MAML2: variants seen among roughly 807,000 people sequenced by gnomAD.
MAML2 encodes the protein mastermind like transcriptional coactivator 2.
MAML2 carries 22 observed loss-of-function variants against 96.1 expected under a neutral mutation model. The observed-to-expected ratio is 0.23, with a 90% CI of 0.16 to 0.33. MAML2 has a LOEUF of 0.33. Ranked by LOEUF, MAML2 falls within the 10% of genes least tolerant of loss-of-function variation. The pLI, the probability that MAML2 is intolerant of heterozygous loss-of-function variation, is 1.00. For synonymous variants in MAML2, 561 were observed against 521.3 expected, an observed-to-expected ratio of 1.08 and a Z score of -1.04; for missense variants, 1,367 against 1,392.4, an observed-to-expected ratio of 0.98 and a Z score of 0.29.
Position 96,122,053 on chromosome 11 carries a change from G to T in MAML2, c.514-28536C>A, listed in dbSNP as rs370388742. On this transcript the variant is annotated intron_variant, in intron 1 of 4. Transcript: ENST00000524717. Reference sequence around the variant, plus strand: ...TCTCGATCTCTTGACCTCGTGATCCGCCTGCCTCGGCCTCCCAAAGTGCTC... The same window carrying T: ...TCTCGATCTCTTGACCTCGTGATCCTCCTGCCTCGGCCTCCCAAAGTGCTC... Among the ~76,000 whole-genome samples the T allele has an allele frequency of 3.4e-4, 47 of 137,580 alleles. 2 individuals are homozygous for T. The highest frequency in any genetic ancestry group is 2.3e-3 in the Admixed American group (29 of 12,612). The allele number at this position is 137,580 out of a possible 152,430, so 90.3% of individuals were successfully genotyped here. A position where few individuals can be genotyped will look rare whatever the true frequency, so the allele number is the denominator to read the frequency against.
intron 1 of MAML2, among the ~76,000 whole-genome samples, chr11:96,208,648 C>T (rs1861926499): frequency 6.6e-6 from 1 of 152,026 alleles, no homozygotes; most frequent in South Asian, 2.1e-4. Flanking sequence ...GGTAATATGA[C>T]AAAATAAAGT....
At chr11:96,069,389 A>G (rs1242801727) in intron 2 of MAML2, among the ~76,000 whole-genome samples, 5 of 152,298 alleles carry the variant, frequency 3.3e-5, no homozygotes, top group Admixed American at 2.6e-4. Context: ...GATAAACAAA[A>G]TTGGCTGGGC....
intron 1 of MAML2, among the ~76,000 whole-genome samples, chr11:96,159,274 T>A (rs559115070): frequency 6.6e-6 from 1 of 152,124 alleles, no homozygotes; most frequent in Admixed American, 6.5e-5. Flanking sequence ...GGATGAAGTC[T>A]CCACAGCAGT....
intron 1 of MAML2, among the ~76,000 whole-genome samples, chr11:96,180,285 T>C (rs895929174): frequency 6.6e-6 from 1 of 152,204 alleles, no homozygotes; most frequent in East Asian, 1.9e-4. Flanking sequence ...GAGGTGGGTC[T>C]ACGTTCCCTC....
chr11:96,021,383 G>C (rs368717282), intron 2 of MAML2, among the ~76,000 whole-genome samples: 2 of 152,194 alleles, frequency 1.3e-5, no homozygotes, highest in Admixed American at 6.5e-5. Flanking sequence ...CCCAACTAGA[G>C]GGGGAGGATA....
intron 2 of MAML2, among the ~76,000 whole-genome samples, chr11:96,033,726 C>T (rs1365650228): frequency 6.6e-6 from 1 of 152,150 alleles, no homozygotes; most frequent in Non-Finnish European, 1.5e-5. Context: ...TCTGGGAAAA[C>T]CTAGTGACAG....
chr11:96,261,879 ATTTCT>A (rs1289295350), intron 1 of MAML2, among the ~76,000 whole-genome samples: 1 of 152,238 alleles, frequency 6.6e-6, no homozygotes, highest in African/African-American at 2.4e-5. Flanking sequence ...GTTATGTTAG[ATTTCT>A]AATATATCAC....
chr11:96,248,560 C>T (rs1318798456), intron 1 of MAML2, among the ~76,000 whole-genome samples: 1 of 152,116 alleles, frequency 6.6e-6, no homozygotes, highest in Non-Finnish European at 1.5e-5. Context: ...TTAGAACCCC[C>T]TCCTCTTTCC....
intron 1 of MAML2, among the ~76,000 whole-genome samples, chr11:96,263,315 C>T (rs1056650770): frequency 6.6e-6 from 1 of 152,130 alleles, no homozygotes; most frequent in Non-Finnish European, 1.5e-5. Flanking sequence ...CATTGTTTGC[C>T]AATGTTTCAA....
intron 1 of MAML2, among the ~76,000 whole-genome samples, chr11:96,108,195 C>T (rs1029470878): frequency 1.3e-5 from 2 of 152,266 alleles, no homozygotes; most frequent in East Asian, 1.9e-4. Flanking sequence ...TTATGAAACA[C>T]CCAGTTCGTG....
intron 1 of MAML2, among the ~76,000 whole-genome samples, chr11:96,111,722 G>C (rs1027924354): frequency 1.2e-4 from 19 of 152,080 alleles, no homozygotes; most frequent in African/African-American, 4.3e-4. Context: ...TTAAAGAAAA[G>C]CTTTGAAAAA....
intron 1 of MAML2, among the ~76,000 whole-genome samples, chr11:96,301,589 T>G (rs1021650292): frequency 1.3e-5 from 2 of 152,240 alleles, no homozygotes; most frequent in Admixed American, 1.3e-4. Context: ...CTAATTGATA[T>G]GCACAAATAT....
At chr11:96,000,935 G>A (rs977527225) in intron 2 of MAML2, among the ~76,000 whole-genome samples, 1 of 152,150 alleles carries the variant, frequency 6.6e-6, no homozygotes, top group South Asian at 2.1e-4. Context: ...TGAAGGTCAA[G>A]CTTGAAAAAA....
intron 1 of MAML2, among the ~76,000 whole-genome samples, chr11:96,158,933 T>TAAAA (rs1292796337): frequency 4.6e-5 from 7 of 152,140 alleles, no homozygotes; most frequent in South Asian, 2.1e-4. Context: ...AGGTGTGCCT[T>TAAAA]TGGGCCCCTC....
chr11:96,137,713 A>G (rs1311671361), intron 1 of MAML2, among the ~76,000 whole-genome samples: 1 of 152,240 alleles, frequency 6.6e-6, no homozygotes, highest in African/African-American at 2.4e-5. Context: ...GAGACAGAAG[A>G]AACTGTGGGT....
chr11:96,245,215 CTTT>C (rs10584752), intron 1 of MAML2, among the ~76,000 whole-genome samples: 13 of 131,618 alleles, frequency 9.9e-5, no homozygotes, highest in African/African-American at 1.7e-4. Context: ...AGTCATCCTT[CTTT>C]TTTTTTTTTT....
At chr11:96,103,914 C>T (rs765240820) in intron 1 of MAML2, among the ~76,000 whole-genome samples, 2 of 152,184 alleles carry the variant, frequency 1.3e-5, no homozygotes, top group African/African-American at 4.8e-5. Context: ...AGATCATTTC[C>T]GTTTCAGATG....
chr11:96,194,067 A>C (rs1293159393), intron 1 of MAML2, among the ~76,000 whole-genome samples: 2 of 152,246 alleles, frequency 1.3e-5, no homozygotes, highest in East Asian at 3.8e-4. Context: ...CCTATCCGTC[A>C]AATGGTAAAC....
Position 96,183,401 on chromosome 11 carries a change from C to T in MAML2, c.514-89884G>A, listed in dbSNP as rs948606016. Reference sequence around the variant, plus strand: ...TTCCCTTCCTCCGTTCCTCCCCCCCCCCCCTTTCTTTTGAGACAAGGGTTC... The same window carrying T: ...TTCCCTTCCTCCGTTCCTCCCCCCCTCCCCTTTCTTTTGAGACAAGGGTTC... On this transcript the variant is annotated intron_variant, in intron 1 of 4. Coordinates refer to ENST00000524717, the MANE Select transcript of MAML2 (RefSeq NM_032427.4). Among the ~76,000 whole-genome samples, 24 of 58,416 alleles carry T rather than the reference C, an allele frequency of 4.1e-4. No homozygotes were observed. In the Admixed American group the frequency reaches 4.7e-3, roughly 11 times the overall value. The allele number at this position is 58,416 out of a possible 152,430, so 38.3% of individuals were successfully genotyped here.
Sources: allele counts gnomAD v4.1 joint callset (sites outside exome capture counted in the v4.1 genomes callset), GRCh38; gene constraint gnomAD v4.1.1; transcripts MANE v1.5; gene names NCBI Gene and HGNC (gene_info 2026-07-23, HGNC 2026-07-21).